Variants in DGKB observed in about 807,000 individuals in gnomAD.
DGKB encodes diacylglycerol kinase beta, also known as 90 kDa diacylglycerol kinase.
A neutral mutation model predicts 114.3 loss-of-function variants in DGKB; 67 were observed. That is an observed-to-expected ratio of 0.59 (90% CI 0.48 to 0.72). The LOEUF (loss-of-function observed/expected upper bound fraction) is 0.72. DGKB is among the 30% of genes least tolerant of loss of function. DGKB has a pLI of 0.00. For synonymous variants in DGKB, 398 were observed against 323.1 expected (o/e 1.23, Z -2.49); for missense variants, 907 against 975.2 (o/e 0.93, Z 0.93).
At chr7:14,231,167 G>T (rs1791783016) in intron 23 of DGKB, among the ~76,000 whole-genome samples, 1 of 125,396 alleles carries the variant, frequency 8.0e-6, no homozygotes, top group Non-Finnish European at 1.7e-5. Flanking sequence ...CTCTTGGTAA[G>T]GTCTCACTGT....
Position 14,763,389 on chromosome 7 carries a change from G to C in DGKB, c.71-5658C>G, listed in dbSNP as rs73682537. 7.2e-3 allele frequency among the ~76,000 whole-genome samples: 1,090 copies of C among 152,160 alleles called. 18 individuals are homozygous for C. The highest frequency in any genetic ancestry group is 0.026 in the African/African-American group (1,062 of 41,542). On this transcript the variant is annotated intron_variant, in intron 2 of 25. Transcript: ENST00000402815. ...ATAGCTTGAATGCATGAGCATTTTA[G>C]AGTTTGCAAAGTGTTCTATTATCTC...
chr7:14,329,466 T>C (rs1282421479), intron 23 of DGKB, among the ~76,000 whole-genome samples: 1 of 152,068 alleles, frequency 6.6e-6, no homozygotes, highest in African/African-American at 2.4e-5. Flanking sequence ...TTGTAGTTTT[T>C]CTCAGTTATT....
At chr7:14,171,733 A>G (rs1781026392) in intron 25 of DGKB, among the ~76,000 whole-genome samples, 1 of 152,228 alleles carries the variant, frequency 6.6e-6, no homozygotes, top group Non-Finnish European at 1.5e-5. Context: ...GCCAACCTAC[A>G]TTATGTTCAG....
At chr7:14,902,318 G>C (rs1783221046) in intron 1 of DGKB, among the ~76,000 whole-genome samples, 1 of 152,090 alleles carries the variant, frequency 6.6e-6, no homozygotes, top group Non-Finnish European at 1.5e-5. Context: ...ATTAAATTTA[G>C]AAAACATTTA....
At chr7:14,665,362 G>T (rs769827316) in intron 13 of DGKB, among the ~76,000 whole-genome samples, 1 of 151,792 alleles carries the variant, frequency 6.6e-6, no homozygotes, top group Non-Finnish European at 1.5e-5. Context: ...GGGCAACAAC[G>T]ACAGAGGGTG....
At chr7:14,572,461 G>GAAAAAAAAAAAAAA (rs144971909) in intron 20 of DGKB, among the ~76,000 whole-genome samples, 1 of 140,084 alleles carries the variant, frequency 7.1e-6, no homozygotes, top group Non-Finnish European at 1.6e-5. Context: ...CAAAAAAAAA[G>GAAAAAAAAAAAAAA]AAAAAAAAAA....
chr7:14,389,674 G>A, intron 21 of DGKB, among the ~76,000 whole-genome samples: 1 of 152,200 alleles, frequency 6.6e-6, no homozygotes, highest in Non-Finnish European at 1.5e-5. Context: ...AAAATGGACT[G>A]GTTGTTTGGT....
rs888347856 is a variant in DGKB at position 14,757,079 on chromosome 7, A to G, written c.147+576T>C. The stretch of plus-strand genomic sequence containing the variant: ...TAAGCTTACTGGTAAAAGGTAAAAT[A>G]GAAGATTAAAAAAATTCCTCCCTTT... On this transcript the variant is annotated intron_variant, in intron 3 of 25. Transcript: ENST00000402815. Among the ~76,000 whole-genome samples the G allele has an allele frequency of 2.0e-5, 3 of 152,252 alleles. No homozygotes were observed. In the East Asian group the frequency reaches 5.8e-4, roughly 29 times the overall value.
At chr7:14,876,179 C>G (rs1853255703) in intron 1 of DGKB, among the ~76,000 whole-genome samples, 1 of 152,118 alleles carries the variant, frequency 6.6e-6, no homozygotes, top group Non-Finnish European at 1.5e-5. Flanking sequence ...CATGGCAACA[C>G]CAGGGAGTTA....
chr7:14,255,378 T>C (rs1235032480), intron 23 of DGKB, among the ~76,000 whole-genome samples: 10 of 152,172 alleles, frequency 6.6e-5, no homozygotes. Flanking sequence ...TATACTCTTA[T>C]GATGATAAAG....
In DGKB at chr7:14,147,060, G is replaced by C. The variant is rs1781552661; in HGVS notation, c.*2071C>G. On this transcript the variant is annotated 3_prime_UTR_variant, in exon 26 of 26. Coordinates refer to ENST00000402815, the MANE Select transcript of DGKB (RefSeq NM_001350709.2). ...TATGTTTTTGACACAAAGCCTGCCT[G>C]CCCATTGTAGAAAATTTTGTCAATT... 1 of 152,098 alleles carries C rather than the reference G, an allele frequency of 6.6e-6. No individual in the cohort carries two copies. The highest frequency in any genetic ancestry group is 1.5e-5 in the Non-Finnish European group (1 of 67,986). The allele number at this position is 152,098 out of a possible 1,614,324, so 9.4% of individuals were successfully genotyped here.
intron 2 of DGKB, among the ~76,000 whole-genome samples, chr7:14,825,016 G>GTGTGTGTA (rs1480765381): frequency 4.3e-5 from 4 of 92,382 alleles, no homozygotes; most frequent in Admixed American, 2.4e-4. Context: ...GTATGTGTAT[G>GTGTGTGTA]TATATATATA....
intron 20 of DGKB, among the ~76,000 whole-genome samples, chr7:14,490,816 G>T (rs959620676): frequency 6.6e-6 from 1 of 152,026 alleles, no homozygotes; most frequent in Non-Finnish European, 1.5e-5. Flanking sequence ...CTGTAATGGC[G>T]ATTTCTACAA....
Position 14,345,300 on chromosome 7 carries a change from C to A in DGKB, c.1926+1G>T. 4 of 1,519,020 alleles carry A rather than the reference C, an allele frequency of 2.6e-6. No homozygotes were observed. Among genetic ancestry groups the A allele is most frequent in the Non-Finnish European group, 2.7e-6 (3 of 1,125,376 alleles). 94.1% of individuals were successfully genotyped at this position (1,519,020 alleles called of 1,614,324 possible). A position where few individuals can be genotyped will look rare whatever the true frequency, so the allele number is the denominator to read the frequency against. ...CAAAAGAGAATTCATTTTTTTCTTA[C>A]TTCTATTTCTACAGATTCATGTAGC... On this transcript the variant is annotated splice_donor_variant, in intron 22 of 25. Coordinates refer to ENST00000402815, the MANE Select transcript of DGKB (RefSeq NM_001350709.2). LOFTEE classifies it high-confidence loss of function.
At chr7:14,338,367 T>C (rs1811050029) in intron 23 of DGKB, 148 bp downstream of exon 23, 1 of 456,676 alleles carries the variant, frequency 2.2e-6, no homozygotes, top group Admixed American at 4.1e-5. Context: ...TGATATAAGT[T>C]AATCACACAT....
At chr7:14,595,797 C>A (rs186384502) in intron 17 of DGKB, among the ~76,000 whole-genome samples, 1 of 151,872 alleles carries the variant, frequency 6.6e-6, no homozygotes, top group Non-Finnish European at 1.5e-5. Flanking sequence ...AGATAATTTT[C>A]TTTTCCTCTA....
At chr7:14,411,017 G>T (rs1824781970) in intron 21 of DGKB, among the ~76,000 whole-genome samples, 1 of 152,086 alleles carries the variant, frequency 6.6e-6, no homozygotes. Context: ...TCTTCTCCCG[G>T]GTTAGTGATA....
rs557458992 is a variant in DGKB, at chr7:14,373,654, A to G, written c.1836-28263T>C. Among the ~76,000 whole-genome samples, 241 of 152,118 alleles carry G rather than the reference A, an allele frequency of 1.6e-3. 1 individual carries two copies. Among genetic ancestry groups the G allele is most frequent in the African/African-American group, 4.7e-3 (197 of 41,516 alleles). ...CTTCTTCACTCATTTCTCACCTAGG[A>G]CTTCTTTTCTCCTGCTCTATCTTGG... On this transcript the variant is annotated intron_variant, in intron 21 of 25. Transcript: ENST00000402815.
intron 12 of DGKB, among the ~76,000 whole-genome samples, chr7:14,678,036 A>C (rs1820173763): frequency 6.6e-6 from 1 of 152,096 alleles, no homozygotes; most frequent in Admixed American, 6.6e-5. Flanking sequence ...GTTTACTTGC[A>C]TATCTGATGG....
Sources: allele counts gnomAD v4.1 joint callset (sites outside exome capture counted in the v4.1 genomes callset), GRCh38; gene constraint gnomAD v4.1.1; transcripts MANE v1.5; gene names NCBI Gene and HGNC (gene_info 2026-07-23, HGNC 2026-07-21).